Variants in DDX10 observed in about 807,000 individuals in gnomAD.
The protein encoded by DDX10 is DEAD-box helicase 10.
Under a neutral mutation model 104.3 loss-of-function variants are expected in DDX10, and 74 were observed. The ratio of observed to expected loss-of-function variants is 0.71; its 90% CI spans 0.59 to 0.86. The LOEUF (loss-of-function observed/expected upper bound fraction) is 0.86. Ranked by LOEUF, DDX10 falls within the 40% of genes least tolerant of loss-of-function variation. The pLI is 0.00. For missense variants in DDX10, 952 were observed against 1,040.0 expected (o/e 0.92, Z 1.16); for synonymous variants, 351 against 353.4 (o/e 0.99, Z 0.08).
intron 13 of DDX10, among the ~76,000 whole-genome samples, chr11:108,737,698 A>T (rs987509006): frequency 1.3e-5 from 2 of 152,136 alleles, no homozygotes; most frequent in African/African-American, 4.8e-5. Context: ...TTCAGCGATG[A>T]TCTGTCTTGG....
chr11:108,723,417 G>T lies in DDX10; in HGVS notation c.1920G>T (p.Arg640=), dbSNP rs375588644. ...EEDADFLKVK[R]HNVFGLDLKD... ...ATGCTGATTTCTTGAAGGTGAAGCG[G>T]CATAATGTGTTTGGATTGGACCTTA... The change falls in exon 13 of 18, where the codon CGG becomes CGT. Residue 640 remains arginine (R), a synonymous_variant. Coordinates refer to ENST00000322536, the MANE Select transcript of DDX10 (RefSeq NM_004398.4). 1.1e-5 allele frequency: 18 copies of T among 1,613,510 alleles called. No individual in the cohort carries two copies. In the African/African-American group the frequency reaches 2.4e-4, roughly 22 times the overall value.
rs2094250653 is a variant in DDX10 at position 108,690,435 on chromosome 11, G to A, written c.975+1373G>A. On this transcript the variant is annotated intron_variant, in intron 7 of 17. Coordinates refer to ENST00000322536, the MANE Select transcript of DDX10 (RefSeq NM_004398.4). ...ATGATACCAGTGCCTCCTGAGGTGG[G>A]GATAAGTCTCACCAGCACAGAGAGG... 1.3e-5 allele frequency: 2 copies of A among 152,934 alleles called. 1 individual carries two copies. The highest frequency in any genetic ancestry group is 4.0e-4 in the South Asian group (2 of 4,940). The allele number at this position is 152,934 out of a possible 1,614,324, so 9.5% of individuals were successfully genotyped here.
At chr11:108,852,819 A>G (rs2134606160) in intron 16 of DDX10, among the ~76,000 whole-genome samples, 1 of 152,334 alleles carries the variant, frequency 6.6e-6, no homozygotes, top group Non-Finnish European at 1.5e-5. Context: ...CAGCTTCTGC[A>G]TTCTGAGAAC....
At chr11:108,719,687 T>C (rs759865259) in intron 11 of DDX10, 110 bp from the exon 12 acceptor site, 3 of 611,532 alleles carry the variant, frequency 4.9e-6, no homozygotes, top group Non-Finnish European at 8.6e-6. Flanking sequence ...AACTATTTCG[T>C]GGTTTTTCAG....
intron 16 of DDX10, among the ~76,000 whole-genome samples, chr11:108,898,349 T>G (rs1863468429): frequency 6.6e-6 from 1 of 152,106 alleles, no homozygotes; most frequent in Non-Finnish European, 1.5e-5. Context: ...CTGCTTAATA[T>G]GTTACATGTC....
At chr11:108,918,936 G>A (rs1863788643) in intron 17 of DDX10, 1 of 152,192 alleles carries the variant, frequency 6.6e-6, no homozygotes, top group Non-Finnish European at 1.5e-5. Flanking sequence ...TTGAAGGGAA[G>A]AGGAAGCCTG....
chr11:108,884,770 C>A (rs893541584), intron 16 of DDX10, among the ~76,000 whole-genome samples: 1 of 152,156 alleles, frequency 6.6e-6, no homozygotes, highest in Non-Finnish European at 1.5e-5. Flanking sequence ...CAGTTCTTTA[C>A]TTCTTATTGT....
chr11:108,728,618 G>A (rs1302590880), intron 13 of DDX10, among the ~76,000 whole-genome samples: 5 of 149,310 alleles, frequency 3.3e-5, no homozygotes, highest in South Asian at 4.2e-4. Context: ...AGGCCCAAGC[G>A]ATTCTTCTGC....
chr11:108,676,862 C>T (rs1458288391), intron 3 of DDX10, among the ~76,000 whole-genome samples: 1 of 152,100 alleles, frequency 6.6e-6, no homozygotes, highest in Non-Finnish European at 1.5e-5. Flanking sequence ...ATGGCTCTGG[C>T]AGCAGCTGAA....
At chr11:108,685,289 G>A (rs551094773) in intron 6 of DDX10, among the ~76,000 whole-genome samples, 88 of 151,168 alleles carry the variant, frequency 5.8e-4, no homozygotes, top group African/African-American at 2.1e-3. Context: ...GGAGTGACCC[G>A]ATTTTCCAGG....
intron 13 of DDX10, among the ~76,000 whole-genome samples, chr11:108,769,126 A>G (rs770068503): frequency 6.6e-6 from 1 of 151,830 alleles, no homozygotes; most frequent in Non-Finnish European, 1.5e-5. Flanking sequence ...ATAGTCACTG[A>G]TTGGGATTCA....
At chr11:108,791,550 G>A (rs1223523328) in intron 13 of DDX10, among the ~76,000 whole-genome samples, 1 of 151,998 alleles carries the variant, frequency 6.6e-6, no homozygotes, top group African/African-American at 2.4e-5. Context: ...TTTTCATACT[G>A]CCACATTTAA....
chr11:108,890,702 A>G (rs952434310), intron 16 of DDX10, among the ~76,000 whole-genome samples: 1 of 152,120 alleles, frequency 6.6e-6, no homozygotes, highest in East Asian at 1.9e-4. Flanking sequence ...TTACTTGTTT[A>G]TTACACTGAG....
chr11:108,914,835 T>TAA (rs10624451), intron 16 of DDX10, among the ~76,000 whole-genome samples: 89,868 of 144,168 alleles, frequency 0.62, 28,147 homozygotes, highest in African/African-American at 0.68. Context: ...TGGTAACCAT[T>TAA]AAAAAAAAAA....
At chr11:108,826,054 A>C (rs1343311364) in intron 13 of DDX10, among the ~76,000 whole-genome samples, 1 of 152,236 alleles carries the variant, frequency 6.6e-6, no homozygotes, top group Non-Finnish European at 1.5e-5. Context: ...TCTTATCAGA[A>C]GAGAATTAGG....
chr11:108,751,523 C>CTAATCCAATGTA (rs536422652), intron 13 of DDX10, among the ~76,000 whole-genome samples: 2 of 152,070 alleles, frequency 1.3e-5, no homozygotes, highest in Non-Finnish European at 2.9e-5. Flanking sequence ...GTGATACCAT[C>CTAATCCAATGTA]TAATCCAATG....
intron 13 of DDX10, among the ~76,000 whole-genome samples, chr11:108,776,043 G>A (rs1207603530): frequency 2.6e-5 from 4 of 152,108 alleles, no homozygotes; most frequent in Non-Finnish European, 5.9e-5. Flanking sequence ...ATGTTTAGCT[G>A]TTCACTTGTA....
At chr11:108,677,019 T>C in intron 3 of DDX10, 66 bp from the exon 4 acceptor site, 1 of 1,489,816 alleles carries the variant, frequency 6.7e-7, no homozygotes, top group Non-Finnish European at 9.1e-7. Flanking sequence ...AGGGGCAAGG[T>C]TGAGATGCAG....
intron 13 of DDX10, among the ~76,000 whole-genome samples, chr11:108,725,027 C>A (rs1412218490): frequency 2.6e-5 from 4 of 152,046 alleles, no homozygotes; most frequent in Non-Finnish European, 5.9e-5. Flanking sequence ...CTCTGGCAAC[C>A]ACTGATCTGA....
Sources: gnomAD v4.1 joint callset for allele counts (sites outside exome capture counted in the v4.1 genomes callset) on GRCh38, gnomAD v4.1.1 for gene constraint, MANE v1.5 for transcripts, NCBI Gene and HGNC (gene_info 2026-07-23, HGNC 2026-07-21) for gene names.